The following AUTS2 variants were observed in gnomAD, a reference collection of about 807,000 sequenced individuals.
AUTS2 encodes the protein activator of transcription and developmental regulator AUTS2, also known as autism susceptibility gene 2 protein.
In AUTS2, 17 loss-of-function variants were observed where a neutral mutation model predicts 112.4. That is an observed-to-expected ratio of 0.15 (90% confidence interval 0.10 to 0.23). The LOEUF (loss-of-function observed/expected upper bound fraction) is 0.23, where lower values mean the gene tolerates loss of function less well. Among genes scored for constraint, AUTS2 ranks in the 10% least tolerant of loss-of-function variants. The probability of loss-of-function intolerance (pLI) is 1.00; values close to 1 mark genes in which losing one functional copy is unlikely to be tolerated. For synonymous variants in AUTS2, 751 were observed against 702.7 expected (o/e 1.07, Z -1.09); for missense variants, 1,510 against 1,701.6 (o/e 0.89, Z 1.98).
intron 5 of AUTS2, among the ~76,000 whole-genome samples, chr7:70,484,945 C>G (rs1334914654): frequency 6.6e-6 from 1 of 152,176 alleles, no homozygotes; most frequent in African/African-American, 2.4e-5. Context: ...CCACCTTACT[C>G]CTGCAAGAAT....
At chr7:69,680,510 G>A (rs934765661) in intron 1 of AUTS2, among the ~76,000 whole-genome samples, 1 of 152,042 alleles carries the variant, frequency 6.6e-6, no homozygotes, top group African/African-American at 2.4e-5. Flanking sequence ...TACTTCAGTA[G>A]TGTTAAGTAT....
chr7:70,710,579 T>G (rs999725122), intron 6 of AUTS2, among the ~76,000 whole-genome samples: 2 of 152,246 alleles, frequency 1.3e-5, no homozygotes, highest in South Asian at 4.1e-4. Context: ...TGGTTTGTAA[T>G]TCGATGCGCA....
At chr7:70,734,804 T>C (rs956893692) in intron 6 of AUTS2, among the ~76,000 whole-genome samples, 1 of 152,160 alleles carries the variant, frequency 6.6e-6, no homozygotes, top group African/African-American at 2.4e-5. Flanking sequence ...TATCCCTGCC[T>C]TTTTTAAAAA....
intron 1 of AUTS2, among the ~76,000 whole-genome samples, chr7:69,676,286 CT>C (rs1796559814): frequency 6.6e-6 from 1 of 152,304 alleles, no homozygotes; most frequent in Non-Finnish European, 1.5e-5. Context: ...CCTAGGGTGG[CT>C]TTTGTAGCAA....
intron 2 of AUTS2, among the ~76,000 whole-genome samples, chr7:70,104,749 TA>T (rs1206532062): frequency 6.6e-6 from 1 of 152,132 alleles, no homozygotes; most frequent in Non-Finnish European, 1.5e-5. Context: ...AAGTGAAAAA[TA>T]ATTTTAAAGC....
chr7:70,701,584 T>G (rs933227050), intron 6 of AUTS2, among the ~76,000 whole-genome samples: 2 of 152,200 alleles, frequency 1.3e-5, no homozygotes, highest in African/African-American at 4.8e-5. Context: ...GTTTAGGTGT[T>G]CCGAATGGTC....
intron 2 of AUTS2, among the ~76,000 whole-genome samples, chr7:69,946,881 A>G (rs915391517): frequency 1.3e-5 from 2 of 152,136 alleles, no homozygotes; most frequent in African/African-American, 4.8e-5. Flanking sequence ...ATTTCTGGTG[A>G]ATTATCAGCC....
chr7:69,602,914 C>G (rs1477083710), intron 1 of AUTS2, among the ~76,000 whole-genome samples: 1 of 152,204 alleles, frequency 6.6e-6, no homozygotes, highest in African/African-American at 2.4e-5. Context: ...ATTAAAACCT[C>G]TGGTGGTCCA....
intron 1 of AUTS2, among the ~76,000 whole-genome samples, chr7:69,681,920 G>A (rs974364178): frequency 6.6e-6 from 1 of 152,154 alleles, no homozygotes; most frequent in African/African-American, 2.4e-5. Flanking sequence ...GAGTCTGAAT[G>A]CCTGGGTTCA....
intron 5 of AUTS2, among the ~76,000 whole-genome samples, chr7:70,534,469 C>T (rs909338571): frequency 8.5e-5 from 13 of 152,088 alleles, no homozygotes; most frequent in Non-Finnish European, 5.9e-5. Flanking sequence ...CTCTGTCGCC[C>T]GGGCTGGAGT....
chr7:70,269,848 T>C (rs1267517175), intron 4 of AUTS2, among the ~76,000 whole-genome samples: 1 of 152,206 alleles, frequency 6.6e-6, no homozygotes, highest in African/African-American at 2.4e-5. Flanking sequence ...TGCTTCCTTT[T>C]TTACTCCTAT....
At position 70,790,740 on chromosome 7, in the gene AUTS2, TCGA is replaced by T. The variant is rs763668824; in HGVS notation, c.3527_3529del (p.Asp1176del). 10 of 1,613,100 alleles carry T rather than the reference TCGA, an allele frequency of 6.2e-6. No individual in the cohort carries two copies. The highest frequency in any genetic ancestry group is 6.8e-6 in the Non-Finnish European group (8 of 1,179,906). ...CTCCACTCCGTGCACCCCGCCTCCC[TCGA>T]CGGACACCTCCCCCACCCCAGCCTC... On this transcript the variant is annotated inframe_deletion, in exon 19 of 19. Coordinates refer to ENST00000342771, the MANE Select transcript of AUTS2 (RefSeq NM_015570.4). This position sits in a 1 kb window ranked among gnomAD's most constrained non-coding sequence, Gnocchi z 7.6.
intron 5 of AUTS2, among the ~76,000 whole-genome samples, chr7:70,622,362 GT>G (rs903283263): frequency 6.6e-6 from 1 of 152,098 alleles, no homozygotes; most frequent in Non-Finnish European, 1.5e-5. Context: ...CCTGGCATCT[GT>G]TTTGGTCAGT....
At chr7:70,555,989 A>G (rs936464927) in intron 5 of AUTS2, among the ~76,000 whole-genome samples, 16 of 151,928 alleles carry the variant, frequency 1.1e-4, no homozygotes, top group African/African-American at 3.9e-4. Context: ...GTATTTTTTA[A>G]TAGAGACAGG....
At chr7:70,276,836 G>A (rs1787951459) in intron 4 of AUTS2, among the ~76,000 whole-genome samples, 3 of 152,188 alleles carry the variant, frequency 2.0e-5, no homozygotes. Flanking sequence ...TGTCATAAGA[G>A]AAGGCTAGTA....
intron 2 of AUTS2, among the ~76,000 whole-genome samples, chr7:69,961,647 G>A (rs1452269197): frequency 6.6e-6 from 1 of 152,030 alleles, no homozygotes; most frequent in Admixed American, 6.6e-5. Flanking sequence ...TGGCTCTAAT[G>A]TCAGGCCAAT....
chr7:69,920,385 C>T (rs558707590), intron 2 of AUTS2, among the ~76,000 whole-genome samples: 21 of 151,978 alleles, frequency 1.4e-4, no homozygotes, highest in Non-Finnish European at 2.6e-4. Context: ...CCTCCTGGCT[C>T]AAGCAATCCT....
chr7:70,039,317 T>C (rs1433816894), intron 2 of AUTS2, among the ~76,000 whole-genome samples: 1 of 151,978 alleles, frequency 6.6e-6, no homozygotes, highest in Admixed American at 6.6e-5. Context: ...GTTCTTCAGA[T>C]TAAGGTCTTC....
intron 4 of AUTS2, among the ~76,000 whole-genome samples, chr7:70,183,455 T>G (rs1194991566): frequency 6.6e-6 from 1 of 152,224 alleles, no homozygotes; most frequent in African/African-American, 2.4e-5. Context: ...TATCCTGGAC[T>G]TCTCTTGCCT....
Sources: allele counts gnomAD v4.1 joint callset (sites outside exome capture counted in the v4.1 genomes callset), GRCh38; gene constraint gnomAD v4.1.1; non-coding constraint Gnocchi (gnomAD v3.1); transcripts MANE v1.5; gene names NCBI Gene and HGNC (gene_info 2026-07-23, HGNC 2026-07-21).